HHLA2: variants seen among roughly 807,000 people sequenced by gnomAD.
HHLA2 encodes HERV-H LTR-associating protein 2.
In HHLA2, 48 loss-of-function variants were observed where a neutral mutation model predicts 45.9. The ratio of observed to expected loss-of-function variants is 1.05; its 90% CI spans 0.83 to 1.33. HHLA2 has a LOEUF of 1.33. HHLA2 is among the 40% of genes most tolerant of loss of function. HHLA2 has a pLI of 0.00. For missense variants in HHLA2, 462 were observed against 494.3 expected (o/e 0.93, Z 0.62); for synonymous variants, 161 against 173.9 (o/e 0.93, Z 0.59).
chr3:108,375,856 A>G (rs2082266859), intron 9 of HHLA2, 56 bp downstream of exon 8: 3 of 1,589,916 alleles, frequency 1.9e-6, no homozygotes, highest in Non-Finnish European at 1.7e-6. Context: ...GAGCAGTCAA[A>G]AGATATCGGC....
chr3:108,364,142 T>C (rs1197047765), intron 8 of HHLA2, among the ~76,000 whole-genome samples: 1 of 152,078 alleles, frequency 6.6e-6, no homozygotes, highest in Non-Finnish European at 1.5e-5. Flanking sequence ...CTCCCTCCCC[T>C]TTACCCTCAT....
At chr3:108,368,798 C>G (rs1326756665) in intron 8 of HHLA2, among the ~76,000 whole-genome samples, 1 of 151,960 alleles carries the variant, frequency 6.6e-6, no homozygotes, top group Admixed American at 6.6e-5. Flanking sequence ...GTTTAACACC[C>G]CACTGTCAAT....
intron 8 of HHLA2, among the ~76,000 whole-genome samples, chr3:108,369,594 A>T (rs1353958288): frequency 3.3e-5 from 5 of 152,178 alleles, no homozygotes; most frequent in Non-Finnish European, 5.9e-5. Flanking sequence ...GGCATCTGGA[A>T]AATTGGGTCA....
chr3:108,323,765 A>AT (rs759971334), intron 2 of HHLA2, among the ~76,000 whole-genome samples: 6 of 152,154 alleles, frequency 3.9e-5, no homozygotes, highest in Non-Finnish European at 5.9e-5. Flanking sequence ...ATTTGCTTCC[A>AT]TTTTTTAGTA....
At chr3:108,361,050 G>C (rs2081976609) in intron 7 of HHLA2, among the ~76,000 whole-genome samples, 1 of 152,100 alleles carries the variant, frequency 6.6e-6, no homozygotes, top group Non-Finnish European at 1.5e-5. Flanking sequence ...AGGTTAGCAG[G>C]GTTCTGACTT....
chr3:108,310,359 A>T (rs904070833), intron 1 of HHLA2, among the ~76,000 whole-genome samples: 2 of 152,196 alleles, frequency 1.3e-5, no homozygotes, highest in African/African-American at 4.8e-5. Context: ...CATCAAAAAT[A>T]CCTGTTAATA....
exon 2 of HHLA2, chr3:108,310,721 A>C (rs1400526893): frequency 6.6e-6 from 1 of 152,606 alleles, no homozygotes; most frequent in African/African-American, 2.4e-5. Flanking sequence ...GAGACCATCA[A>C]GAATTGGATT....
At chr3:108,316,388 C>T (rs911827119) in intron 2 of HHLA2, among the ~76,000 whole-genome samples, 6 of 152,112 alleles carry the variant, frequency 3.9e-5, no homozygotes, top group East Asian at 3.8e-4. Context: ...TTAAATCTAT[C>T]GATATATAAC....
intron 1 of HHLA2, among the ~76,000 whole-genome samples, chr3:108,301,604 C>G (rs914393961): frequency 6.6e-5 from 10 of 152,126 alleles, no homozygotes; most frequent in African/African-American, 2.4e-4. Flanking sequence ...TATTTTCTTC[C>G]GTAGGCTAAT....
chr3:108,298,765 G>A (rs1036954274), intron 1 of HHLA2, among the ~76,000 whole-genome samples: 5 of 152,098 alleles, frequency 3.3e-5, no homozygotes, highest in Non-Finnish European at 1.5e-5. Flanking sequence ...AACGAATGGG[G>A]GCTTGTTTTT....
chr3:108,375,147 G>A (rs1467219047), intron 8 of HHLA2, among the ~76,000 whole-genome samples: 1 of 151,916 alleles, frequency 6.6e-6, no homozygotes, highest in African/African-American at 2.4e-5. Context: ...ATACTATGCA[G>A]CCATAAAAAA....
intron 1 of HHLA2, among the ~76,000 whole-genome samples, chr3:108,306,734 C>A (rs2080936613): frequency 6.6e-6 from 1 of 152,042 alleles, no homozygotes; most frequent in Non-Finnish European, 1.5e-5. Context: ...CTTCATTTTG[C>A]CAGAAGTTTG....
intron 8 of HHLA2, among the ~76,000 whole-genome samples, chr3:108,369,478 T>C (rs548168487): frequency 6.6e-6 from 1 of 152,178 alleles, no homozygotes; most frequent in South Asian, 2.1e-4. Flanking sequence ...GGACAGTGGG[T>C]GCAGTGCACC....
In HHLA2 at chr3:108,316,782, A is replaced by AT. The variant is rs34273567; in HGVS notation, c.-105+6050dup. 4.0e-4 allele frequency among the ~76,000 whole-genome samples: 60 copies of AT among 151,496 alleles called. 2 individuals are homozygous for AT. In the East Asian group the frequency reaches 0.01, roughly 26 times the overall value. On this transcript the variant is annotated intron_variant, in intron 2 of 10. Coordinates refer to ENST00000619531, the Ensembl canonical transcript of HHLA2. The stretch of plus-strand genomic sequence containing the variant: ...TACTAAATCGCACGCTTTAGGCCCT[A>AT]TTTTTTTTTCCAAATAAAATTTGGC...
At chr3:108,329,113 TA>T (rs1179623527) in intron 3 of HHLA2, among the ~76,000 whole-genome samples, 4 of 152,174 alleles carry the variant, frequency 2.6e-5, no homozygotes, top group Non-Finnish European at 5.9e-5. Flanking sequence ...AGAGGAAATT[TA>T]CCCTGGAATA....
intron 3 of HHLA2, among the ~76,000 whole-genome samples, chr3:108,336,451 T>C (rs1027235213): frequency 6.6e-6 from 1 of 152,188 alleles, no homozygotes. Flanking sequence ...CTGTCCTTCT[T>C]AGGGTGACCC....
Position 108,376,680 on chromosome 3 carries a change from G to A in HHLA2, c.1224+123G>A. ...GACTTTTATACAGAAAAAAACAGCA[G>A]CAGGGGTTGCAGGATAATATAGCAC... On this transcript the variant is annotated intron_variant, in intron 10 of 10. Transcript: ENST00000619531. The A allele has an allele frequency of 3.1e-5, 23 of 740,954 alleles. 1 individual carries two copies. In the South Asian group the frequency reaches 4.1e-4, roughly 13 times the overall value. 45.9% of individuals were successfully genotyped at this position (740,954 alleles called of 1,614,324 possible). A position where few individuals can be genotyped will look rare whatever the true frequency, so the allele number is the denominator to read the frequency against.
intron 9 of HHLA2, 72 bp downstream of exon 8, chr3:108,375,872 C>T: frequency 1.3e-6 from 2 of 1,567,742 alleles, no homozygotes; most frequent in South Asian, 1.2e-5. Flanking sequence ...TCGGCAAAAA[C>T]TCTGTCACAG....
At chr3:108,300,486 G>T (rs1045567429) in intron 1 of HHLA2, among the ~76,000 whole-genome samples, 6 of 152,158 alleles carry the variant, frequency 3.9e-5, no homozygotes, top group African/African-American at 1.4e-4. Flanking sequence ...TATAAACCAG[G>T]TGAGCCAATA....
Sources: allele counts gnomAD v4.1 joint callset (sites outside exome capture counted in the v4.1 genomes callset), GRCh38; gene constraint gnomAD v4.1.1; transcripts MANE v1.5; gene names NCBI Gene and HGNC (gene_info 2026-07-23, HGNC 2026-07-21).